The following COL12A1 variants were observed in gnomAD, a reference collection of about 807,000 sequenced individuals.
COL12A1 encodes the protein collagen alpha-1(XII) chain.
A neutral mutation model predicts 349.7 loss-of-function variants in COL12A1; 114 were observed. The observed-to-expected ratio is 0.33, with a 90% confidence interval of 0.28 to 0.38. COL12A1 has a LOEUF of 0.38. COL12A1 is among the 10% of genes least tolerant of loss of function. The probability of loss-of-function intolerance (pLI) is 1.00; values close to 1 mark genes in which losing one functional copy is unlikely to be tolerated. For missense variants in COL12A1, 3,284 were observed against 3,756.9 expected, an observed-to-expected ratio of 0.87 and a Z score of 3.29; for synonymous variants, 1,369 against 1,329.0, an observed-to-expected ratio of 1.03 and a Z score of -0.66.
chr6:75,191,498 G>GA (rs1217190232), intron 5 of COL12A1, among the ~76,000 whole-genome samples: 1 of 151,952 alleles, frequency 6.6e-6, no homozygotes, highest in East Asian at 1.9e-4. Context: ...TAAATAGAAT[G>GA]AAAAACTAGC....
intron 44 of COL12A1, among the ~76,000 whole-genome samples, chr6:75,119,899 CAT>C (rs1769270785): frequency 1.3e-5 from 2 of 152,150 alleles, no homozygotes; most frequent in Non-Finnish European, 2.9e-5. Flanking sequence ...AGAAATGTCA[CAT>C]GTGTGATTAT....
chr6:75,101,592 A>G lies in COL12A1; in HGVS notation c.8523+8T>C, dbSNP rs752217139. ...CAACATCATTGTAGCCTGCTCAAGA[A>G]AACTTACTCTGTCTCCTGGAGGTCC... On this transcript the variant is annotated splice_region_variant and intron_variant, in intron 58 of 65. Coordinates refer to ENST00000322507, the MANE Select transcript of COL12A1 (RefSeq NM_004370.6). The G allele has an allele frequency of 5.0e-6, 8 of 1,612,678 alleles. No individual in the cohort carries two copies. Among genetic ancestry groups the G allele is most frequent in the African/African-American group, 1.3e-5 (1 of 74,814 alleles).
chr6:75,168,740 G>T (rs915124089), intron 13 of COL12A1, among the ~76,000 whole-genome samples: 2 of 152,076 alleles, frequency 1.3e-5, no homozygotes, highest in African/African-American at 4.8e-5. Flanking sequence ...TCTCCTCTCT[G>T]AGGTCTAGAG....
At chr6:75,174,897 GTTAT>G (rs1441096414) in intron 13 of COL12A1, 137 bp downstream of exon 13, 14 of 978,168 alleles carry the variant, frequency 1.4e-5, no homozygotes, top group Admixed American at 5.5e-5. Flanking sequence ...GAGCTTTATG[GTTAT>G]TTGTTTTTCA....
chr6:75,126,564 A>G, intron 38 of COL12A1, 94 bp from the exon 39 acceptor site: 1 of 1,353,156 alleles, frequency 7.4e-7, no homozygotes. Context: ...GCCCAATGGG[A>G]GCAATTTCAT....
chr6:75,155,834 T>C lies in COL12A1; in HGVS notation c.3271A>G (p.Arg1091Gly). The stretch of plus-strand genomic sequence containing the variant: ...GTTGGGTCAGATGTTTTGAGGTTTC[T>C]AGGAGACTTAAACCGAGAAGCTGTA... ...GTTASRFKSP[R>G]NLKTSDPTMS... Residue 1091 changes from arginine (R) to glycine (G), a missense_variant, in exon 16 of 66, where the codon AGA becomes GGA. By Grantham distance (125) the Arg-to-Gly change is moderately radical. Transcript: ENST00000322507. The C allele has an allele frequency of 6.2e-7, 1 of 1,605,606 alleles. No individual in the cohort carries two copies. The highest frequency in any genetic ancestry group is 8.5e-7 in the Non-Finnish European group (1 of 1,177,458).
Position 75,177,822 on chromosome 6 carries a change from C to T in COL12A1, c.2278G>A (p.Val760Ile). 1 of 1,614,148 alleles carries T rather than the reference C, an allele frequency of 6.2e-7. No individual in the cohort carries two copies. The highest frequency in any genetic ancestry group is 8.5e-7 in the Non-Finnish European group (1 of 1,180,036). The change falls in exon 12 of 66, where the codon GTT (valine) becomes ATT (isoleucine). Residue 760 changes from valine (V) to isoleucine (I), a missense_variant. Physicochemically the swap from Val to Ile is conservative, Grantham distance 29. Around this residue, in one of 2 missense-constraint regions of COL12A1, gnomAD observed 2,601 missense variants for 2,824.8 expected, o/e 0.92. Transcript: ENST00000322507. ...ACTTCTCTGCTCTCTCCACCAGCAA[C>T]TGGTCTATATATAATTCGATATCTT... ...VLRYRIIYRP[V>I]AGGESREVTT...
chr6:75,134,391 G>A (rs1046831915), intron 32 of COL12A1, among the ~76,000 whole-genome samples: 2 of 151,984 alleles, frequency 1.3e-5, no homozygotes, highest in Non-Finnish European at 2.9e-5. Context: ...CCAACATGGT[G>A]AAACCCCATC....
At chr6:75,174,134 C>G (rs757049051) in intron 13 of COL12A1, among the ~76,000 whole-genome samples, 1 of 152,176 alleles carries the variant, frequency 6.6e-6, no homozygotes, top group Non-Finnish European at 1.5e-5. Context: ...AGGCCTCTGA[C>G]AATTAACTCT....
chr6:75,085,576 A>C lies in COL12A1; in HGVS notation c.*971T>G. ...TTTCTTAAAAAAAAAAACCTTCAAA[A>C]ATCCAGCAGTAAACACAATCATTGC... On this transcript the variant is annotated 3_prime_UTR_variant, in exon 66 of 66. Transcript: ENST00000322507. The C allele has an allele frequency of 3.1e-6, 1 of 323,218 alleles. No individual in the cohort carries two copies. The highest frequency in any genetic ancestry group is 6.2e-6 in the Non-Finnish European group (1 of 160,154). The allele number at this position is 323,218 out of a possible 1,614,324, so 20.0% of individuals were successfully genotyped here.
chr6:75,148,038 T>C lies in COL12A1; in HGVS notation c.4288-234A>G, dbSNP rs75385159. The stretch of plus-strand genomic sequence containing the variant: ...ATGGGTAAAAATAGATCATCTTCAA[T>C]GTTCCTTGCTAACTCTCTGATTCTA... On this transcript the variant is annotated intron_variant, in intron 22 of 65. Coordinates refer to ENST00000322507, the MANE Select transcript of COL12A1 (RefSeq NM_004370.6). Among the ~76,000 whole-genome samples the C allele has an allele frequency of 7.6e-3, 1,153 of 152,300 alleles. 54 individuals are homozygous for C. The East Asian group carries it at 0.13, about 17-fold the overall frequency.
intron 8 of COL12A1, among the ~76,000 whole-genome samples, chr6:75,185,756 TACAGAA>T (rs1769580688): frequency 6.6e-6 from 1 of 152,152 alleles, no homozygotes; most frequent in South Asian, 2.1e-4. Context: ...ATAGTACTGG[TACAGAA>T]ACAGACACCT....
rs535423733 is a variant in COL12A1, at chr6:75,201,993, C to T, written c.73+727G>A. Among the ~76,000 whole-genome samples the T allele has an allele frequency of 2.3e-3, 353 of 152,332 alleles. 2 individuals carry two copies. Among genetic ancestry groups the T allele is most frequent in the African/African-American group, 8.1e-3 (337 of 41,592 alleles). On this transcript the variant is annotated intron_variant, in intron 2 of 65. Transcript: ENST00000322507. ...CACTGGAGGTGGTGCCCAGCAACTC[C>T]GGCGCGCGCTTGCTTCCCAGGCTGG... is the stretch of plus-strand genomic sequence containing the variant.
chr6:75,176,124 G>A (rs886867515), intron 12 of COL12A1, among the ~76,000 whole-genome samples: 3 of 152,194 alleles, frequency 2.0e-5, no homozygotes, highest in Non-Finnish European at 4.4e-5. Flanking sequence ...GAAGAGAGGA[G>A]GAAGGAAGCA....
At chr6:75,122,825 T>C (rs1765813023) in intron 43 of COL12A1, among the ~76,000 whole-genome samples, 1 of 152,242 alleles carries the variant, frequency 6.6e-6, no homozygotes, top group Non-Finnish European at 1.5e-5. Flanking sequence ...AGATCAACCT[T>C]AATAAATCAG....
intron 56 of COL12A1, 95 bp downstream of exon 56, chr6:75,102,502 G>T: frequency 1.0e-6 from 1 of 963,092 alleles, no homozygotes; most frequent in Non-Finnish European, 1.4e-6. Context: ...TGAATTATCT[G>T]AGAAAACATT....
chr6:75,151,075 A>AGGC, intron 21 of COL12A1, 66 bp downstream of exon 21: 1 of 284,116 alleles, frequency 3.5e-6, no homozygotes. Context: ...CCCCCACCCA[A>AGGC]AAGAATAATT....
Position 75,086,339 on chromosome 6 carries a change from TATAAA to T in COL12A1, c.*203_*207del, listed in dbSNP as rs1376726353. ...CATTATTACTGAAATGCATCAGGAT[TATAAA>T]CTGACACCACTGCTTTTGTCTCATT... On this transcript the variant is annotated 3_prime_UTR_variant, in exon 66 of 66. Coordinates refer to ENST00000322507, the MANE Select transcript of COL12A1 (RefSeq NM_004370.6). 2 of 331,538 alleles carry T rather than the reference TATAAA, an allele frequency of 6.0e-6. No individual in the cohort carries two copies. The highest frequency in any genetic ancestry group is 4.3e-5 in the African/African-American group (2 of 46,234). The allele number at this position is 331,538 out of a possible 1,614,324, so 20.5% of individuals were successfully genotyped here.
At chr6:75,189,523 T>C (rs1769814415) in intron 6 of COL12A1, 29 bp downstream of exon 6, 2 of 1,594,130 alleles carry the variant, frequency 1.3e-6, no homozygotes, top group African/African-American at 2.7e-5. Context: ...TCATTTATTT[T>C]TAACTTTAAA....
Sources: allele counts gnomAD v4.1 joint callset (sites outside exome capture counted in the v4.1 genomes callset), GRCh38; gene constraint gnomAD v4.1.1; regional missense constraint gnomAD v4.1.1; transcripts MANE v1.5; gene names NCBI Gene and HGNC (gene_info 2026-07-23, HGNC 2026-07-21).